Variants in MAPKAPK5 observed in about 807,000 individuals in gnomAD.
MAPKAPK5 encodes the protein MAP kinase-activated protein kinase 5.
In MAPKAPK5, 30 loss-of-function variants were observed where a neutral mutation model predicts 65.1. The observed-to-expected ratio is 0.46, with a 90% CI of 0.34 to 0.63. The LOEUF (loss-of-function observed/expected upper bound fraction) is 0.63, where lower values mean the gene tolerates loss of function less well. MAPKAPK5 is among the 20% of genes least tolerant of loss of function. MAPKAPK5 has a pLI of 0.01. For missense variants in MAPKAPK5, 433 were observed against 581.4 expected, an observed-to-expected ratio of 0.74 and a Z score of 2.63; for synonymous variants, 179 against 204.6, an observed-to-expected ratio of 0.87 and a Z score of 1.07.
At chr12:111,887,603 C>G (rs930227229) in intron 10 of MAPKAPK5, 1 of 152,058 alleles carries the variant, frequency 6.6e-6, no homozygotes, top group African/African-American at 2.4e-5. Context: ...AACCTGGCAG[C>G]GGCAGAGGTT....
rs146472352 is a variant in MAPKAPK5 at position 111,900,393 on chromosome 12, G to A, written c.*7332G>A. 6.1e-4 allele frequency: 276 copies of A among 456,024 alleles called. No individual in the cohort carries two copies. The highest frequency in any genetic ancestry group is 3.7e-3 in the Admixed American group (158 of 42,560). The allele number at this position is 456,024 out of a possible 1,614,324, so 28.2% of individuals were successfully genotyped here. A position where few individuals can be genotyped will look rare whatever the true frequency, so the allele number is the denominator to read the frequency against. On this transcript the variant is annotated 3_prime_UTR_variant, in exon 14 of 14. Coordinates refer to ENST00000550735, the MANE Select transcript of MAPKAPK5 (RefSeq NM_003668.4). ...CGGGCACAACCTGGGTATTCAGCAC[G>A]ACCACTCGGCCTGCTTTTGTAAAGA... is the stretch of plus-strand genomic sequence containing the variant.
At chr12:111,859,772 C>T (rs1358052888) in intron 1 of MAPKAPK5, among the ~76,000 whole-genome samples, 1 of 151,946 alleles carries the variant, frequency 6.6e-6, no homozygotes, top group Non-Finnish European at 1.5e-5. Context: ...GGGTTAGCCT[C>T]CTGAGTAGCT....
chr12:111,886,111 G>T, intron 10 of MAPKAPK5, 75 bp downstream of exon 10: 1 of 1,604,534 alleles, frequency 6.2e-7, no homozygotes, highest in Admixed American at 1.7e-5. Flanking sequence ...CTCAGTGAGG[G>T]GTTAGAGGCA....
chr12:111,898,584 A>G lies in MAPKAPK5; in HGVS notation c.*5523A>G, dbSNP rs1237413373. 6.6e-6 allele frequency: 1 copy of G among 152,188 alleles called. No individual in the cohort carries two copies. Among genetic ancestry groups the G allele is most frequent in the Non-Finnish European group, 1.5e-5 (1 of 68,042 alleles). The allele number at this position is 152,188 out of a possible 1,614,324, so 9.4% of individuals were successfully genotyped here. On this transcript the variant is annotated 3_prime_UTR_variant, in exon 14 of 14. Coordinates refer to ENST00000550735, the MANE Select transcript of MAPKAPK5 (RefSeq NM_003668.4). ...TTTACTTAACACAATATATCCGTGC[A>G]TTAGGAAAACTTGGTAGAGAAGATT...
intron 1 of MAPKAPK5, among the ~76,000 whole-genome samples, chr12:111,854,567 G>A (rs1192955776): frequency 6.6e-6 from 1 of 152,052 alleles, no homozygotes; most frequent in African/African-American, 2.4e-5. Context: ...GAAATAAAAG[G>A]GTATTTTACA....
chr12:111,878,397 T>A (rs1396802258), intron 7 of MAPKAPK5, among the ~76,000 whole-genome samples: 1 of 150,660 alleles, frequency 6.6e-6, no homozygotes, highest in Non-Finnish European at 1.5e-5. Flanking sequence ...CATTTGTTGT[T>A]CTATTTATTT....
rs2070989709 is a variant in MAPKAPK5 at position 111,900,361 on chromosome 12, A to G, written c.*7300A>G. On this transcript the variant is annotated 3_prime_UTR_variant, in exon 14 of 14. Coordinates refer to ENST00000550735, the MANE Select transcript of MAPKAPK5 (RefSeq NM_003668.4). Reference sequence around the variant, plus strand: ...CTGTTGTTTGCAGCCCTGATGGCCCATGAGCTCGGGCACAACCTGGGTATT... The same window carrying G: ...CTGTTGTTTGCAGCCCTGATGGCCCGTGAGCTCGGGCACAACCTGGGTATT... 2 of 456,058 alleles carry G rather than the reference A, an allele frequency of 4.4e-6. No individual in the cohort carries two copies. The highest frequency in any genetic ancestry group is 8.8e-6 in the Non-Finnish European group (2 of 226,796). The allele number at this position is 456,058 out of a possible 1,614,324, so 28.3% of individuals were successfully genotyped here.
At chr12:111,850,014 A>G (rs988166516) in intron 1 of MAPKAPK5, among the ~76,000 whole-genome samples, 1 of 150,654 alleles carries the variant, frequency 6.6e-6, no homozygotes, top group African/African-American at 2.5e-5. Flanking sequence ...ATGAACCACC[A>G]CGACTGGTTG....
chr12:111,848,792 C>T (rs993306551), intron 1 of MAPKAPK5, among the ~76,000 whole-genome samples: 5 of 152,066 alleles, frequency 3.3e-5, no homozygotes, highest in Non-Finnish European at 2.9e-5. Context: ...TGCAGTGGTA[C>T]GACCTTGGCT....
rs2070746519 is a variant in MAPKAPK5 at position 111,894,961 on chromosome 12, G to A, written c.*1900G>A. On this transcript the variant is annotated 3_prime_UTR_variant, in exon 14 of 14. Coordinates refer to ENST00000550735, the MANE Select transcript of MAPKAPK5 (RefSeq NM_003668.4). The stretch of plus-strand genomic sequence containing the variant: ...CAACTTATTTTCTAACTCCTCCACT[G>A]TGCTGAGTAATTCCTCCACCCTGAA... 1 of 151,962 alleles carries A rather than the reference G, an allele frequency of 6.6e-6. No homozygotes were observed. The highest frequency in any genetic ancestry group is 1.5e-5 in the Non-Finnish European group (1 of 68,000). The allele number at this position is 151,962 out of a possible 1,614,324, so 9.4% of individuals were successfully genotyped here.
chr12:111,872,333 A>T (rs767590017), intron 7 of MAPKAPK5, among the ~76,000 whole-genome samples: 1 of 152,156 alleles, frequency 6.6e-6, no homozygotes, highest in African/African-American at 2.4e-5. Context: ...GTATTACTTC[A>T]TTATAGTTTT....
chr12:111,901,672 G>A lies in MAPKAPK5; in HGVS notation c.*8611G>A. ...AGGAGGAAGAAAAAGAAGAGGAGGA[G>A]GAGGAAGAAGAGGAGGAAGAATCAG... On this transcript the variant is annotated 3_prime_UTR_variant, in exon 14 of 14. Transcript: ENST00000550735. 7.6e-6 allele frequency: 2 copies of A among 263,062 alleles called. No individual in the cohort carries two copies. Among genetic ancestry groups the A allele is most frequent in the Non-Finnish European group, 1.5e-5 (2 of 133,726 alleles). The allele number at this position is 263,062 out of a possible 1,614,324, so 16.3% of individuals were successfully genotyped here. A position where few individuals can be genotyped will look rare whatever the true frequency, so the allele number is the denominator to read the frequency against.
Position 111,893,037 on chromosome 12 carries a change from A to G in MAPKAPK5, c.1392A>G (p.Gln464=), listed in dbSNP as rs1233073704. The change falls in exon 14 of 14, where the codon CAA becomes CAG. Residue 464 remains glutamine (Q), a synonymous_variant. Coordinates refer to ENST00000550735, the MANE Select transcript of MAPKAPK5 (RefSeq NM_003668.4). The part of the protein sequence containing the change: ...AEIVKQVIEE[Q]TTSHESQ ...TTGTGAAGCAGGTGATAGAAGAGCA[A>G]ACCACGTCCCACGAATCCCAATAAT... is the stretch of plus-strand genomic sequence containing the variant. The G allele has an allele frequency of 2.5e-6, 4 of 1,580,744 alleles. No homozygotes were observed. Among genetic ancestry groups the G allele is most frequent in the Non-Finnish European group, 3.4e-6 (4 of 1,162,638 alleles).
At chr12:111,851,337 A>G (rs1240334405) in intron 1 of MAPKAPK5, among the ~76,000 whole-genome samples, 1 of 151,534 alleles carries the variant, frequency 6.6e-6, no homozygotes, top group Non-Finnish European at 1.5e-5. Context: ...GGTCTCAAGG[A>G]CTTTTTGAGA....
rs1313289185 is a variant in MAPKAPK5 at position 111,899,486 on chromosome 12, CTCTT to C, written c.*6429_*6432del. 13 of 174,146 alleles carry C rather than the reference CTCTT, an allele frequency of 7.5e-5. No individual in the cohort carries two copies. Among genetic ancestry groups the C allele is most frequent in the Non-Finnish European group, 1.3e-4 (10 of 79,714 alleles). The allele number at this position is 174,146 out of a possible 1,614,324, so 10.8% of individuals were successfully genotyped here. On this transcript the variant is annotated 3_prime_UTR_variant, in exon 14 of 14. Transcript: ENST00000550735. ...ACTGTCACCTGGGATCAATCTATTA[CTCTT>C]TCTATGAAATAATTATTCCAAAGAG...
At chr12:111,866,412 G>C (rs549573837) in intron 3 of MAPKAPK5, among the ~76,000 whole-genome samples, 181 bp downstream of exon 3, 1 of 152,226 alleles carries the variant, frequency 6.6e-6, no homozygotes, top group South Asian at 2.1e-4. Context: ...CAATATCAAA[G>C]GCCATTGAGT....
intron 1 of MAPKAPK5, 199 bp downstream of exon 1, chr12:111,842,968 C>G (rs2068771220): frequency 2.3e-6 from 1 of 427,090 alleles, no homozygotes; most frequent in East Asian, 3.5e-5. Flanking sequence ...GTCCGACTCC[C>G]GCCAGCTTCC....
At chr12:111,848,402 C>T (rs2068966855) in intron 1 of MAPKAPK5, among the ~76,000 whole-genome samples, 1 of 146,534 alleles carries the variant, frequency 6.8e-6, no homozygotes, top group Non-Finnish European at 1.5e-5. Flanking sequence ...CTGTTCCAAT[C>T]TTTTGCCCCA....
At chr12:111,875,160 T>C (rs1199022853) in intron 7 of MAPKAPK5, among the ~76,000 whole-genome samples, 1 of 152,126 alleles carries the variant, frequency 6.6e-6, no homozygotes, top group African/African-American at 2.4e-5. Context: ...TTTTTGTAGA[T>C]TTATTAGGAT....
Sources: allele counts gnomAD v4.1 joint callset (sites outside exome capture counted in the v4.1 genomes callset), GRCh38; gene constraint gnomAD v4.1.1; transcripts MANE v1.5; gene names NCBI Gene and HGNC (gene_info 2026-07-23, HGNC 2026-07-21).